HS6ST2: variants seen among roughly 807,000 people sequenced by gnomAD.
HS6ST2 encodes the protein heparan sulfate 6-O-sulfotransferase 2, also known as heparan-sulfate 6-O-sulfotransferase 2.
Under a neutral mutation model 33.0 loss-of-function variants are expected in HS6ST2, and 17 were observed. The observed-to-expected ratio is 0.52, with a 90% confidence interval of 0.35 to 0.77. The LOEUF is 0.77. HS6ST2 is among the 30% of genes least tolerant of loss of function. The pLI, the probability that HS6ST2 is intolerant of heterozygous loss-of-function variation, is 0.01. For synonymous variants in HS6ST2, 248 were observed against 237.1 expected (o/e 1.05, Z -0.42); for missense variants, 519 against 551.7 (o/e 0.94, Z 0.59).
At chrX:132,635,832 G>T (rs765291274) in intron 4 of HS6ST2, among the ~76,000 whole-genome samples, 2 of 111,148 alleles carry the variant, frequency 1.8e-5, no homozygotes, top group South Asian at 7.7e-4. Context: ...CCAAATCAAA[G>T]TCCCAGGCAG....
intron 2 of HS6ST2, among the ~76,000 whole-genome samples, chrX:132,769,393 C>G (rs1016884964): frequency 8.9e-6 from 1 of 111,849 alleles, no homozygotes; most frequent in Non-Finnish European, 1.9e-5. Flanking sequence ...CTGGAGGCAC[C>G]CAATGCATGG....
At chrX:132,844,172 G>A (rs1288563284) in intron 2 of HS6ST2, among the ~76,000 whole-genome samples, 4 of 111,377 alleles carry the variant, frequency 3.6e-5, no homozygotes, top group African/African-American at 1.3e-4. Flanking sequence ...GGGGGAGTGG[G>A]GATGAAGGAG....
chrX:132,712,679 G>T (rs990761335), intron 2 of HS6ST2, among the ~76,000 whole-genome samples: 3 of 111,862 alleles, frequency 2.7e-5, no homozygotes, highest in Non-Finnish European at 5.6e-5. Flanking sequence ...CTTACCAACT[G>T]CATGACACTG....
chrX:132,628,782 C>T lies in HS6ST2; in HGVS notation c.1379G>A (p.Ser460Asn), dbSNP rs2063496331. 1 of 1,210,303 alleles carries T rather than the reference C, an allele frequency of 8.3e-7. No homozygotes were observed. The highest frequency in any genetic ancestry group is 2.2e-5 in the Admixed American group (1 of 45,781). Reference protein sequence around the residue: ...EKQRNKVLLESAKSNLKHMAF... With the variant: ...EKQRNKVLLENAKSNLKHMAF... ...CATGTGCTTCAGATTTGACTTGGCA[C>T]TTTCCAGAAGGACCTTGTTTCTTTG... The change falls in exon 5 of 5, where the codon AGT becomes AAT. Residue 460 changes from serine to asparagine, a missense_variant. Ser to Asn is a conservative substitution (Grantham distance 46). Transcript: ENST00000370833.
chrX:132,878,562 T>G (rs1180241286), intron 2 of HS6ST2, among the ~76,000 whole-genome samples: 1 of 112,082 alleles, frequency 8.9e-6, no homozygotes, highest in Non-Finnish European at 1.9e-5. Flanking sequence ...AGAGATTCTA[T>G]GCTACACAGA....
intron 2 of HS6ST2, among the ~76,000 whole-genome samples, chrX:132,731,160 A>G (rs1378287366): frequency 1.8e-5 from 2 of 112,223 alleles, no homozygotes; most frequent in South Asian, 3.8e-4. Flanking sequence ...CCCATGCTCA[A>G]CTGAGGGGAA....
chrX:132,798,488 G>T (rs760689196), intron 2 of HS6ST2, among the ~76,000 whole-genome samples: 1 of 111,323 alleles, frequency 9.0e-6, no homozygotes, highest in Non-Finnish European at 1.9e-5. Flanking sequence ...TTTTGAAAGT[G>T]CAGTCACTTG....
At chrX:132,842,532 A>G (rs2065716602) in intron 2 of HS6ST2, among the ~76,000 whole-genome samples, 1 of 111,734 alleles carries the variant, frequency 8.9e-6, no homozygotes, top group Non-Finnish European at 1.9e-5. Flanking sequence ...TTTGATTCCC[A>G]GAAAATCCCG....
chrX:132,952,636 A>C (rs966958710), intron 2 of HS6ST2, among the ~76,000 whole-genome samples: 1 of 111,779 alleles, frequency 8.9e-6, no homozygotes, highest in South Asian at 3.8e-4. Context: ...AAAAAAAAAT[A>C]GAATGACCAA....
intron 2 of HS6ST2, among the ~76,000 whole-genome samples, chrX:132,911,147 C>G (rs1204194166): frequency 3.0e-4 from 3 of 9,936 alleles, no homozygotes; most frequent in Non-Finnish European, 3.5e-4. Flanking sequence ...GAGACGCTAT[C>G]TCAAAAAAAA....
rs545604470 is a variant in HS6ST2 at position 132,841,735 on chromosome X, A to G, written c.947+115073T>C. On this transcript the variant is annotated intron_variant, in intron 2 of 4. Coordinates refer to ENST00000370833, the MANE Select transcript of HS6ST2 (RefSeq NM_001394073.1). ...AAGCAACCAAGCATCATGTTTTATA[A>G]AGACAAAACTCCAGCTTTGCTGATT... 1.9e-4 allele frequency among the ~76,000 whole-genome samples: 21 copies of G among 112,367 alleles called. No individual in the cohort carries two copies. In the South Asian group the frequency reaches 7.4e-3, roughly 39 times the overall value.
intron 2 of HS6ST2, among the ~76,000 whole-genome samples, chrX:132,836,579 A>G (rs1038004183): frequency 1.8e-5 from 2 of 112,734 alleles, no homozygotes; most frequent in African/African-American, 6.4e-5. Context: ...TCCTTTGCAC[A>G]CACTTCAACA....
intron 2 of HS6ST2, among the ~76,000 whole-genome samples, chrX:132,946,057 C>G (rs2066950852): frequency 8.9e-6 from 1 of 111,819 alleles, no homozygotes; most frequent in Admixed American, 9.4e-5. Flanking sequence ...AAATGCAAAT[C>G]AAAACCACAA....
intron 2 of HS6ST2, among the ~76,000 whole-genome samples, chrX:132,858,700 C>G (rs756999852): frequency 1.8e-5 from 2 of 111,980 alleles, no homozygotes; most frequent in African/African-American, 6.5e-5. Context: ...AGAATCAAAG[C>G]ACATCCAGGA....
chrX:132,672,310 G>T (rs1244109926), intron 3 of HS6ST2, among the ~76,000 whole-genome samples: 1 of 108,540 alleles, frequency 9.2e-6, no homozygotes, highest in South Asian at 4.2e-4. Context: ...GATTGGTGGG[G>T]GGGGGTGGGT....
At chrX:132,950,508 TG>T (rs1205848602) in intron 2 of HS6ST2, among the ~76,000 whole-genome samples, 1 of 112,562 alleles carries the variant, frequency 8.9e-6, no homozygotes, top group Non-Finnish European at 1.9e-5. Flanking sequence ...CTACTTTTTT[TG>T]TTTGGTGGTG....
chrX:132,758,588 C>T (rs112087612), intron 2 of HS6ST2, among the ~76,000 whole-genome samples: 2,873 of 111,498 alleles, frequency 0.026, 35 homozygotes, highest in Non-Finnish European at 0.04. Flanking sequence ...CAAAGCTTTG[C>T]ACCCCACAGA....
chrX:132,740,919 A>G (rs777889037), intron 2 of HS6ST2, among the ~76,000 whole-genome samples: 1 of 112,484 alleles, frequency 8.9e-6, no homozygotes, highest in East Asian at 2.8e-4. Context: ...ACAGTGACAC[A>G]GACAGTGGCT....
intron 4 of HS6ST2, among the ~76,000 whole-genome samples, chrX:132,646,350 TG>T: frequency 9.1e-6 from 1 of 110,195 alleles, no homozygotes; most frequent in Non-Finnish European, 1.9e-5. Flanking sequence ...GTCATTTGCA[TG>T]GGGGAGGGAC....
Sources: gnomAD v4.1 joint callset for allele counts (sites outside exome capture counted in the v4.1 genomes callset) on GRCh38, gnomAD v4.1.1 for gene constraint, MANE v1.5 for transcripts, NCBI Gene and HGNC (gene_info 2026-07-23, HGNC 2026-07-21) for gene names.